CYP17A1: variants seen among roughly 807,000 people sequenced by gnomAD.
The protein encoded by CYP17A1 is steroid 17-alpha-hydroxylase/17,20 lyase.
A neutral mutation model predicts 38.5 loss-of-function variants in CYP17A1; 27 were observed. The ratio of observed to expected loss-of-function variants is 0.70; its 90% CI spans 0.52 to 0.97. The LOEUF (loss-of-function observed/expected upper bound fraction) is 0.97. CYP17A1 is among the 50% of genes least tolerant of loss of function. The pLI, the probability that CYP17A1 is intolerant of heterozygous loss-of-function variation, is 0.00. For synonymous variants in CYP17A1, 263 were observed against 253.3 expected, an observed-to-expected ratio of 1.04 and a Z score of -0.36; for missense variants, 549 against 645.9, an observed-to-expected ratio of 0.85 and a Z score of 1.63.
chr10:102,835,181 G>A, intron 2 of CYP17A1, 73 bp downstream of exon 2: 1 of 1,410,582 alleles, frequency 7.1e-7, no homozygotes, highest in Non-Finnish European at 1.0e-6. Flanking sequence ...CCTTACCCCT[G>A]CCCAACCCTC....
rs938338450 is a variant in CYP17A1 at position 102,830,761 on chromosome 10, T to C, written c.1468A>G (p.Lys490Glu). 6.2e-7 allele frequency: 1 copy of C among 1,603,932 alleles called. No homozygotes were observed. The highest frequency in any genetic ancestry group is 8.5e-7 in the Non-Finnish European group (1 of 1,172,460). ...GCCTGGCGCACCTTGATCTTCACTT[T>C]GAAAGAGTCGATCAGAAAGACCACC... ...PKVVFLIDSF[K>E]VKIKVRQAWR... Residue 490 changes from lysine to glutamate, a missense_variant, in exon 8 of 8, where the codon AAA becomes GAA. Lys to Glu is a moderately conservative substitution (Grantham distance 56). This residue lies in a region of CYP17A1 where 257 missense variants were observed against 307.9 expected (regional missense o/e 0.83). Coordinates refer to ENST00000369887, the MANE Select transcript of CYP17A1 (RefSeq NM_000102.4). The surrounding 1 kb of genome is among the most constrained non-coding windows in gnomAD (Gnocchi z 4.1).
In CYP17A1 at chr10:102,833,085, G is replaced by A. The variant is rs1459467256; in HGVS notation, c.877C>T (p.Leu293Phe). 4 of 1,614,074 alleles carry A rather than the reference G, an allele frequency of 2.5e-6. No individual in the cohort carries two copies. Among genetic ancestry groups the A allele is most frequent in the Non-Finnish European group, 3.4e-6 (4 of 1,180,044 alleles). ...DSELLSDNHI[L>F]TTIGDIFGAG... ...CCAAAGATGTCCCCTATGGTGGTGA[G>A]AATGTGGTTATCTGAAAGCAGCTCT... is the stretch of plus-strand genomic sequence containing the variant. Residue 293 changes from leucine to phenylalanine, a missense_variant, in exon 5 of 8, where the codon CTC becomes TTC. By Grantham distance (22) the Leu-to-Phe change is conservative. This residue lies in a region of CYP17A1 where 257 missense variants were observed against 307.9 expected (regional missense o/e 0.83). Coordinates refer to ENST00000369887, the MANE Select transcript of CYP17A1 (RefSeq NM_000102.4).
In CYP17A1 at chr10:102,833,044, G is replaced by A. The variant is rs535985293; in HGVS notation, c.918C>T (p.Thr306=). The A allele has an allele frequency of 1.9e-6, 3 of 1,614,142 alleles. No individual in the cohort carries two copies. Among genetic ancestry groups the A allele is most frequent in the Non-Finnish European group, 2.5e-6 (3 of 1,180,018 alleles). ...IGDIFGAGVE[T]TTSVVKWTLA... Reference sequence around the variant, plus strand: ...GGGTCCATTTAACCACAGAGGTGGTGGTCTCCACGCCAGCCCCAAAGATGT... The same window carrying A: ...GGGTCCATTTAACCACAGAGGTGGTAGTCTCCACGCCAGCCCCAAAGATGT... Residue 306 remains threonine, a synonymous_variant, in exon 5 of 8, where the codon ACC becomes ACT. Coordinates refer to ENST00000369887, the MANE Select transcript of CYP17A1 (RefSeq NM_000102.4).
At chr10:102,833,263 C>T in intron 4 of CYP17A1, 55 bp from the exon 5 acceptor site, 1 of 1,612,938 alleles carries the variant, frequency 6.2e-7, no homozygotes, top group East Asian at 2.2e-5. Context: ...ATCTGTGACA[C>T]TCCTGCCATA....
Position 102,832,974 on chromosome 10 carries a change from C to T in CYP17A1, c.969+19G>A, listed in dbSNP as rs777083030. The T allele has an allele frequency of 3.7e-6, 6 of 1,613,358 alleles. No homozygotes were observed. The East Asian group carries it at 1.3e-4, about 36-fold the overall frequency. On this transcript the variant is annotated intron_variant, in intron 5 of 7. Coordinates refer to ENST00000369887, the MANE Select transcript of CYP17A1 (RefSeq NM_000102.4). ...GATTGGGCTGGCTGGGGTCTAGGAT[C>T]AATGAGGGGGAAGCACACCTGAGGA...
At chr10:102,834,640 T>C (rs1235058522) in intron 3 of CYP17A1, 145 bp downstream of exon 3, 1 of 1,110,256 alleles carries the variant, frequency 9.0e-7, no homozygotes, top group East Asian at 2.5e-5. Flanking sequence ...GCAAAGGTTT[T>C]AAGTGGCAGA....
At chr10:102,833,812 G>A (rs1844123681) in intron 4 of CYP17A1, 3 of 484,312 alleles carry the variant, frequency 6.2e-6, no homozygotes, top group East Asian at 3.9e-5. Context: ...GGCTCATCTC[G>A]AACTCCTGAC....
chr10:102,834,501 G>C, intron 3 of CYP17A1: 1 of 571,138 alleles, frequency 1.8e-6, no homozygotes, highest in Admixed American at 3.0e-5. Flanking sequence ...ACTTCCAAGG[G>C]GAATTCAGCG....
chr10:102,831,696 C>A, intron 6 of CYP17A1, 85 bp from the exon 7 acceptor site: 1 of 1,582,020 alleles, frequency 6.3e-7, no homozygotes, highest in African/African-American at 1.3e-5. Flanking sequence ...ATTCTTCCGC[C>A]GTGAGGAAAA....
At chr10:102,835,042 G>A (rs1456275295) in intron 2 of CYP17A1, 28 bp from the exon 3 acceptor site, 1 of 1,399,954 alleles carries the variant, frequency 7.1e-7, no homozygotes, top group Non-Finnish European at 1.0e-6. Context: ...ATGAGGGTGG[G>A]AAATGAATCA....
At chr10:102,832,910 G>A in intron 5 of CYP17A1, 83 bp downstream of exon 5, 1 of 1,571,824 alleles carries the variant, frequency 6.4e-7, no homozygotes, top group Non-Finnish European at 8.6e-7. Flanking sequence ...TGCACAGAAA[G>A]CCTGAGAGAA....
Position 102,837,367 on chromosome 10 carries a change from C to G in CYP17A1, c.-6G>C. On this transcript the variant is annotated 5_prime_UTR_variant, in exon 1 of 8. Transcript: ENST00000369887. The stretch of plus-strand genomic sequence containing the variant: ...AGAGCCACGAGCTCCCACATGGTGG[C>G]TGGGTGCCGGCAGGCAAGATAGACA... 6.2e-7 allele frequency: 1 copy of G among 1,601,834 alleles called. No homozygotes were observed. Among genetic ancestry groups the G allele is most frequent in the Non-Finnish European group, 8.6e-7 (1 of 1,168,940 alleles).
intron 1 of CYP17A1, 80 bp downstream of exon 1, chr10:102,836,985 C>G (rs1844170783): frequency 2.4e-6 from 2 of 846,006 alleles, no homozygotes; most frequent in Admixed American, 1.7e-5. Context: ...AGCTGGAAGC[C>G]CCATTCTAGG....
In CYP17A1 at chr10:102,833,187, TA is replaced by T. The variant is rs1844114757; in HGVS notation, c.774del (p.Ile259SerfsTer8). ...ENYKEKFRSD[S>X]ITNMLDTLMQ... is the part of the protein sequence containing the mutation. The stretch of plus-strand genomic sequence containing the variant: ...ATCAGTGTGTCCAGCATGTTGGTGA[TA>T]GAGTCACTCCGGAATTTCTCCTGGG... On this transcript the variant is annotated frameshift_variant, in exon 5 of 8. Transcript: ENST00000369887. LOFTEE classifies it high-confidence loss of function. 6.2e-7 allele frequency: 1 copy of T among 1,614,042 alleles called. No homozygotes were observed. The highest frequency in any genetic ancestry group is 8.5e-7 in the Non-Finnish European group (1 of 1,180,036).
At position 102,835,021 on chromosome 10, in the gene CYP17A1, G is replaced by A. The variant is rs1844141149; in HGVS notation, c.437-7C>T. 6.5e-7 allele frequency: 1 copy of A among 1,532,490 alleles called. No homozygotes were observed. The highest frequency in any genetic ancestry group is 9.0e-7 in the Non-Finnish European group (1 of 1,112,694). The allele number at this position is 1,532,490 out of a possible 1,614,324, so 94.9% of individuals were successfully genotyped here. On this transcript the variant is annotated splice_region_variant and splice_polypyrimidine_tract_variant and intron_variant, in intron 2 of 7. Coordinates refer to ENST00000369887, the MANE Select transcript of CYP17A1 (RefSeq NM_000102.4). ...GTACTGATTTCCTGACAAACTGAAG[G>A]GAGAGGGGGCATGAGGGTGGGAAAT...
At chr10:102,835,512 C>T in intron 1 of CYP17A1, 120 bp from the exon 2 acceptor site, 1 of 850,278 alleles carries the variant, frequency 1.2e-6, no homozygotes, top group Non-Finnish European at 2.0e-6. Context: ...TGCTGACTCC[C>T]ATGTGGGCAC....
At chr10:102,832,178 AT>A (rs1276113763) in intron 6 of CYP17A1, among the ~76,000 whole-genome samples, 2 of 152,078 alleles carry the variant, frequency 1.3e-5, no homozygotes, top group African/African-American at 4.8e-5. Flanking sequence ...GGTTCAAGTG[AT>A]TCTCCTGCCT....
Position 102,830,771 on chromosome 10 carries a change from G to T in CYP17A1, c.1458C>A (p.Ile486=), listed in dbSNP as rs147557447. The T allele has an allele frequency of 1.9e-6, 3 of 1,600,216 alleles. No homozygotes were observed. Among genetic ancestry groups the T allele is most frequent in the South Asian group, 2.2e-5 (2 of 89,910 alleles). The part of the protein sequence containing the change: ...LEGIPKVVFL[I]DSFKVKIKVR... Reference sequence around the variant, plus strand: ...CCTTGATCTTCACTTTGAAAGAGTCGATCAGAAAGACCACCTTGGGGATGC... The same window carrying T: ...CCTTGATCTTCACTTTGAAAGAGTCTATCAGAAAGACCACCTTGGGGATGC... Residue 486 remains isoleucine, a synonymous_variant, in exon 8 of 8, where the codon ATC becomes ATA. Coordinates refer to ENST00000369887, the MANE Select transcript of CYP17A1 (RefSeq NM_000102.4). This position sits in a 1 kb window ranked among gnomAD's most constrained non-coding sequence, Gnocchi z 4.1.
rs756371704 is a variant in CYP17A1, at chr10:102,835,235, G to A, written c.436+19C>T. On this transcript the variant is annotated intron_variant, in intron 2 of 7. Transcript: ENST00000369887. ...CTGTGGGATCCAGCCCCAGCCCCAGGGGCCAGCCTGGCACTCACTGATCTT... is the reference window on the plus strand; with the variant it reads ...CTGTGGGATCCAGCCCCAGCCCCAGAGGCCAGCCTGGCACTCACTGATCTT... 6.2e-7 allele frequency: 1 copy of A among 1,609,184 alleles called. No individual in the cohort carries two copies. The highest frequency in any genetic ancestry group is 1.7e-5 in the Admixed American group (1 of 60,010).
Sources: gnomAD v4.1 joint callset for allele counts (sites outside exome capture counted in the v4.1 genomes callset) on GRCh38, gnomAD v4.1.1 for gene constraint, gnomAD v4.1.1 regional missense constraint, Gnocchi (gnomAD v3.1) non-coding constraint, MANE v1.5 for transcripts, NCBI Gene and HGNC (gene_info 2026-07-23, HGNC 2026-07-21) for gene names.